Variants in CHDH observed in about 807,000 individuals in gnomAD.
CHDH encodes the protein choline dehydrogenase, mitochondrial.
Under a neutral mutation model 56.9 loss-of-function variants are expected in CHDH, and 43 were observed. That is an observed-to-expected ratio of 0.76 (90% CI 0.59 to 0.97). The LOEUF is 0.97. Among genes scored for constraint, CHDH ranks in the 50% least tolerant of loss-of-function variants. The probability of loss-of-function intolerance (pLI) is 0.00; values close to 1 mark genes in which losing one functional copy is unlikely to be tolerated. For synonymous variants in CHDH, 364 were observed against 348.5 expected, an observed-to-expected ratio of 1.04 and a Z score of -0.50; for missense variants, 816 against 821.1, an observed-to-expected ratio of 0.99 and a Z score of 0.08.
chr3:53,824,345 T>C, intron 2 of CHDH, among the ~76,000 whole-genome samples: 1 of 152,334 alleles, frequency 6.6e-6, no homozygotes, highest in Non-Finnish European at 1.5e-5. Context: ...GAGACTGGGC[T>C]GGAGTCTGCC....
rs755373038 is a variant in CHDH at position 53,819,492 on chromosome 3, G to A, written c.1263+40C>T. ...GGAGCATCTTCCTTCCTGGTGGGAA[G>A]GAGACATCCTGGGAAGCCGAGGCTC... On this transcript the variant is annotated intron_variant, in intron 7 of 8. Coordinates refer to ENST00000315251, the MANE Select transcript of CHDH (RefSeq NM_018397.5). This position sits in a 1 kb window ranked among gnomAD's most constrained non-coding sequence, Gnocchi z 5.4. The A allele has an allele frequency of 9.5e-6, 15 of 1,571,554 alleles. No individual in the cohort carries two copies. The South Asian group carries it at 1.4e-4, about 15-fold the overall frequency.
At chr3:53,829,211 C>G (rs1698258541) in intron 2 of CHDH, among the ~76,000 whole-genome samples, 3 of 152,132 alleles carry the variant, frequency 2.0e-5, no homozygotes, top group Admixed American at 1.3e-4. Flanking sequence ...ACTATGGAGA[C>G]AGTAAAACGA....
At chr3:53,835,131 T>C (rs1576800211) in intron 2 of CHDH, among the ~76,000 whole-genome samples, 1 of 152,230 alleles carries the variant, frequency 6.6e-6, no homozygotes, top group Non-Finnish European at 1.5e-5. Flanking sequence ...TGCACAACCA[T>C]AGAAAAACAA....
intron 3 of CHDH, among the ~76,000 whole-genome samples, chr3:53,822,861 C>T (rs1420684003): frequency 1.3e-5 from 2 of 152,174 alleles, no homozygotes; most frequent in African/African-American, 4.8e-5. Context: ...TACCCTTCAC[C>T]CTCAAACAGG....
At chr3:53,845,751 T>G (rs1698851892) in intron 1 of CHDH, among the ~76,000 whole-genome samples, 1 of 152,190 alleles carries the variant, frequency 6.6e-6, no homozygotes, top group South Asian at 2.1e-4. Flanking sequence ...AAATCGCCAG[T>G]GCTGACGGCT....
chr3:53,825,788 A>G (rs1337258879), intron 2 of CHDH, among the ~76,000 whole-genome samples: 1 of 152,206 alleles, frequency 6.6e-6, no homozygotes, highest in Non-Finnish European at 1.5e-5. Context: ...CATCATAGTT[A>G]AGCTGCTGAA....
At position 53,816,317 on chromosome 3, in the gene CHDH, T is replaced by C. The variant is rs1015960480; in HGVS notation, c.*1460A>G. 14 of 152,192 alleles carry C rather than the reference T, an allele frequency of 9.2e-5. No individual in the cohort carries two copies. The highest frequency in any genetic ancestry group is 3.4e-4 in the African/African-American group (14 of 41,450). 9.4% of individuals were successfully genotyped at this position (152,192 alleles called of 1,614,324 possible). A position where few individuals can be genotyped will look rare whatever the true frequency, so the allele number is the denominator to read the frequency against. ...GGATGTCTGGAAAAATCCAAGTGCA[T>C]TTTATTTTCATTACCTTGTCAGAAC... On this transcript the variant is annotated 3_prime_UTR_variant, in exon 9 of 9. Transcript: ENST00000315251.
At chr3:53,822,768 A>G (rs2095630099) in intron 3 of CHDH, 126 bp from the exon 4 acceptor site, 2 of 1,254,836 alleles carry the variant, frequency 1.6e-6, no homozygotes, top group Non-Finnish European at 2.2e-6. Flanking sequence ...CCTTCAAAGT[A>G]AAGCTGAGAC....
At chr3:53,828,688 A>C (rs1279470452) in intron 2 of CHDH, among the ~76,000 whole-genome samples, 4 of 152,208 alleles carry the variant, frequency 2.6e-5, no homozygotes, top group Non-Finnish European at 5.9e-5. Flanking sequence ...AAATTAAAAC[A>C]AGAGTGAGAC....
Position 53,822,584 on chromosome 3 carries a change from G to A in CHDH, c.762C>T (p.Leu254=), listed in dbSNP as rs200429726. 31 of 1,612,790 alleles carry A rather than the reference G, an allele frequency of 1.9e-5. No individual in the cohort carries two copies. Among genetic ancestry groups the A allele is most frequent in the South Asian group, 1.5e-4 (14 of 91,090 alleles). Reference sequence around the variant, plus strand: ...TCACAAGCGTCTCGGCCTCGGCCTTGAGGTTGGTGCGGCTCAGTGCTGGGT... The same window carrying A: ...TCACAAGCGTCTCGGCCTCGGCCTTAAGGTTGGTGCGGCTCAGTGCTGGGT... The part of the protein sequence containing the change: ...YLHPALSRTN[L]KAEAETLVSR... Residue 254 remains leucine, a synonymous_variant, in exon 4 of 9, where the codon CTC becomes CTT. Transcript: ENST00000315251.
chr3:53,844,706 TACTC>T (rs1283985516), intron 1 of CHDH: 1 of 152,452 alleles, frequency 6.6e-6, no homozygotes, highest in Non-Finnish European at 1.5e-5. Flanking sequence ...CAGAATCAGA[TACTC>T]ACGGAATGAA....
At chr3:53,824,159 A>G in intron 2 of CHDH, 92 bp from the exon 3 acceptor site, 1 of 686,696 alleles carries the variant, frequency 1.5e-6, no homozygotes, top group South Asian at 2.5e-5. Context: ...CAGCAGGCCC[A>G]GCCTGATGTG....
At chr3:53,822,465 C>A in intron 4 of CHDH, 26 bp downstream of exon 4, 1 of 1,591,314 alleles carries the variant, frequency 6.3e-7, no homozygotes, top group Non-Finnish European at 8.6e-7. Context: ...CCCCTTCTTC[C>A]AGGACCCCAG....
At chr3:53,825,464 A>G (rs954156321) in intron 2 of CHDH, among the ~76,000 whole-genome samples, 4 of 152,176 alleles carry the variant, frequency 2.6e-5, no homozygotes, top group Non-Finnish European at 5.9e-5. Flanking sequence ...AAAAAATACA[A>G]TGTTAGAGAA....
Position 53,824,082 on chromosome 3 carries a change from GGGGCTTTAAAA to G in CHDH, c.-59-26_-59-16del. 17 of 1,344,826 alleles carry G rather than the reference GGGGCTTTAAAA, an allele frequency of 1.3e-5. No homozygotes were observed. The highest frequency in any genetic ancestry group is 2.7e-4 in the Middle Eastern group (1 of 3,694). 83.3% of individuals were successfully genotyped at this position (1,344,826 alleles called of 1,614,324 possible). Reference sequence around the variant, plus strand: ...CTCACTTCTCCCTAAAACAGGAAGAGGGGCTTTAAAAATCTTAACTCCGCATATCCAGGGTA... The same window carrying G: ...CTCACTTCTCCCTAAAACAGGAAGAGATCTTAACTCCGCATATCCAGGGTA... On this transcript the variant is annotated splice_polypyrimidine_tract_variant and intron_variant, in intron 2 of 8. Transcript: ENST00000315251.
chr3:53,835,170 A>G (rs1224257680), intron 2 of CHDH, among the ~76,000 whole-genome samples: 1 of 152,242 alleles, frequency 6.6e-6, no homozygotes, highest in African/African-American at 2.4e-5. Flanking sequence ...TGTGTTGTTT[A>G]CAGTGGCAAA....
rs1405909461 is a variant in CHDH at position 53,814,072 on chromosome 3, G to T, written c.*3705C>A. The T allele has an allele frequency of 6.6e-6, 1 of 152,112 alleles. No homozygotes were observed. The highest frequency in any genetic ancestry group is 2.4e-5 in the African/African-American group (1 of 41,400). 9.4% of individuals were successfully genotyped at this position (152,112 alleles called of 1,614,324 possible). ...AGTTTCAGAATTGGGCGAAGGCCAGGCGTGGTGGGCTGTGAGGGCCACGTT... is the reference window on the plus strand; with the variant it reads ...AGTTTCAGAATTGGGCGAAGGCCAGTCGTGGTGGGCTGTGAGGGCCACGTT... On this transcript the variant is annotated 3_prime_UTR_variant, in exon 9 of 9. Transcript: ENST00000315251.
Position 53,823,679 on chromosome 3 carries a change from C to T in CHDH, c.330G>A (p.Glu110=), listed in dbSNP as rs746009435. The change falls in exon 3 of 9, where the codon GAG becomes GAA. Residue 110 remains glutamate, a synonymous_variant. Coordinates refer to ENST00000315251, the MANE Select transcript of CHDH (RefSeq NM_018397.5). ...CGCGGCCGTCCAGGCCCCGCTGCACCTCTGTGTGGTAGCACCAGTTGTACC... is the reference window on the plus strand; with the variant it reads ...CGCGGCCGTCCAGGCCCCGCTGCACTTCTGTGTGGTAGCACCAGTTGTACC... ...DDRYNWCYHT[E]VQRGLDGRVL... The T allele has an allele frequency of 2.6e-6, 4 of 1,547,896 alleles. No individual in the cohort carries two copies. The highest frequency in any genetic ancestry group is 2.4e-5 in the South Asian group (2 of 84,088).
In CHDH at chr3:53,846,339, C is replaced by T. The variant is rs1397077912; in HGVS notation, c.-387G>A. On this transcript the variant is annotated 5_prime_UTR_variant, in exon 1 of 9. Coordinates refer to ENST00000315251, the MANE Select transcript of CHDH (RefSeq NM_018397.5). ...CTGGCTCACTGCATGCACGTGTGCG[C>T]GGGGGTAGGCGCGCGCCGCGGCGGC... 2 of 446,936 alleles carry T rather than the reference C, an allele frequency of 4.5e-6. No individual in the cohort carries two copies. Among genetic ancestry groups the T allele is most frequent in the Non-Finnish European group, 7.8e-6 (2 of 255,714 alleles). 27.7% of individuals were successfully genotyped at this position (446,936 alleles called of 1,614,324 possible).
Sources: allele counts gnomAD v4.1 joint callset (sites outside exome capture counted in the v4.1 genomes callset), GRCh38; gene constraint gnomAD v4.1.1; non-coding constraint Gnocchi (gnomAD v3.1); transcripts MANE v1.5; gene names NCBI Gene and HGNC (gene_info 2026-07-23, HGNC 2026-07-21).